SRPK2: variants seen among roughly 807,000 people sequenced by gnomAD.
SRPK2 encodes SRSF protein kinase 2, also known as SFRS protein kinase 2.
SRPK2 carries 21 observed loss-of-function variants against 90.8 expected under a neutral mutation model. The ratio of observed to expected loss-of-function variants is 0.23; its 90% CI spans 0.16 to 0.33. The LOEUF (loss-of-function observed/expected upper bound fraction) is 0.33. SRPK2 is among the 10% of genes least tolerant of loss of function. The pLI, the probability that SRPK2 is intolerant of heterozygous loss-of-function variation, is 1.00. For missense variants in SRPK2, 620 were observed against 869.0 expected (o/e 0.71, Z 3.60); for synonymous variants, 288 against 311.1 (o/e 0.93, Z 0.78).
At chr7:105,327,536 C>T (rs1434407540) in intron 2 of SRPK2, among the ~76,000 whole-genome samples, 1 of 152,184 alleles carries the variant, frequency 6.6e-6, no homozygotes, top group African/African-American at 2.4e-5. Flanking sequence ...AAGCTTTCCC[C>T]TAGCACCTGA....
chr7:105,233,472 C>T (rs775009162), intron 2 of SRPK2, among the ~76,000 whole-genome samples: 2 of 152,142 alleles, frequency 1.3e-5, no homozygotes, highest in Admixed American at 6.5e-5. Flanking sequence ...TAATGGAGAA[C>T]TTGCATATGA....
At chr7:105,226,690 T>C (rs1798751065) in intron 2 of SRPK2, among the ~76,000 whole-genome samples, 1 of 152,096 alleles carries the variant, frequency 6.6e-6, no homozygotes, top group Admixed American at 6.5e-5. Context: ...AAGAATATAC[T>C]TTCAGACTTA....
intron 2 of SRPK2, among the ~76,000 whole-genome samples, chr7:105,205,517 TCACACACACACA>T (rs543121144): frequency 0.23 from 21,944 of 94,934 alleles, 2,162 homozygotes; most frequent in Non-Finnish European, 0.3. Context: ...TCTCTCTCTC[TCACACACACACA>T]CACACACACA....
At chr7:105,337,235 C>A (rs956420183) in intron 2 of SRPK2, among the ~76,000 whole-genome samples, 2 of 152,060 alleles carry the variant, frequency 1.3e-5, no homozygotes, top group African/African-American at 4.8e-5. Flanking sequence ...CCTTAACCCC[C>A]AGTGTGATAT....
chr7:105,331,639 G>A (rs1319296366), intron 2 of SRPK2, among the ~76,000 whole-genome samples: 1 of 152,126 alleles, frequency 6.6e-6, no homozygotes, highest in Non-Finnish European at 1.5e-5. Context: ...CTTAGGCCCT[G>A]ATTTTTCAGA....
chr7:105,349,101 C>T (rs1252241793), intron 2 of SRPK2, among the ~76,000 whole-genome samples: 6 of 139,232 alleles, frequency 4.3e-5, no homozygotes, highest in East Asian at 2.3e-4. Context: ...GCCTAGTTTG[C>T]ATCACTGCAC....
At chr7:105,179,939 T>C (rs995218206) in intron 3 of SRPK2, among the ~76,000 whole-genome samples, 1 of 149,594 alleles carries the variant, frequency 6.7e-6, no homozygotes, top group African/African-American at 2.5e-5. Flanking sequence ...TCAGAGATGA[T>C]ACAAATGGAA....
chr7:105,176,699 ATGTATGTGTATGTGTGTG>A (rs1204691288), intron 3 of SRPK2, among the ~76,000 whole-genome samples: 1 of 47,052 alleles, frequency 2.1e-5, no homozygotes, highest in Non-Finnish European at 5.4e-5. Flanking sequence ...GTACATATAT[ATGTATGTGTATGTGTGTG>A]TGTGTGTGTA....
chr7:105,336,533 C>T (rs1815109107), intron 2 of SRPK2, among the ~76,000 whole-genome samples: 1 of 152,082 alleles, frequency 6.6e-6, no homozygotes, highest in African/African-American at 2.4e-5. Context: ...CAGTTGATTT[C>T]TTAGGACTGA....
intron 2 of SRPK2, chr7:105,301,791 A>G: frequency 6.3e-7 from 1 of 1,575,318 alleles, no homozygotes; most frequent in Non-Finnish European, 8.7e-7. Context: ...AGTAGAAGCT[A>G]ATCTTGGAAC....
chr7:105,167,257 C>T (rs554674551), intron 6 of SRPK2, 120 bp downstream of exon 6: 465 of 745,374 alleles, frequency 6.2e-4, no homozygotes, highest in Non-Finnish European at 8.5e-4. Context: ...TAATACTTGA[C>T]AATGTTCCTA....
chr7:105,359,729 G>A (rs1234151070), intron 2 of SRPK2, among the ~76,000 whole-genome samples: 8 of 152,058 alleles, frequency 5.3e-5, no homozygotes, highest in South Asian at 2.1e-4. Flanking sequence ...TCTGGAAACC[G>A]TTCATCCTTC....
intron 2 of SRPK2, among the ~76,000 whole-genome samples, chr7:105,237,791 C>A (rs936190412): frequency 2.0e-5 from 3 of 152,112 alleles, no homozygotes; most frequent in African/African-American, 4.8e-5. Context: ...TAAGGAAGCA[C>A]CATCCAGGGC....
chr7:105,294,011 A>G (rs1809442402), intron 2 of SRPK2, among the ~76,000 whole-genome samples: 1 of 152,178 alleles, frequency 6.6e-6, no homozygotes. Flanking sequence ...GTCAGGGGGC[A>G]CACCTAATCC....
chr7:105,117,796 G>A lies in SRPK2; in HGVS notation c.*42C>T. 6.3e-7 allele frequency: 1 copy of A among 1,598,778 alleles called. No homozygotes were observed. Among genetic ancestry groups the A allele is most frequent in the Non-Finnish European group, 8.6e-7 (1 of 1,168,676 alleles). On this transcript the variant is annotated 3_prime_UTR_variant, in exon 16 of 16. Coordinates refer to ENST00000393651, the MANE Select transcript of SRPK2 (RefSeq NM_182692.3). The stretch of plus-strand genomic sequence containing the variant: ...AGTCACCGTTTAGGTCCAATGTACT[G>A]GGAACATTTGCTAGCTCAGAATGCA...
chr7:105,258,478 A>C (rs1307716428), intron 2 of SRPK2, among the ~76,000 whole-genome samples: 1 of 152,112 alleles, frequency 6.6e-6, no homozygotes, highest in Non-Finnish European at 1.5e-5. Flanking sequence ...GTGACAAAAA[A>C]ACACCAAGGT....
intron 2 of SRPK2, among the ~76,000 whole-genome samples, chr7:105,344,901 C>T (rs117325850): frequency 4.6e-5 from 7 of 151,410 alleles, no homozygotes; most frequent in Non-Finnish European, 1.0e-4. Flanking sequence ...CTTTGGAGGC[C>T]GAAGTGGGTG....
At chr7:105,368,703 A>G (rs931673814) in intron 2 of SRPK2, among the ~76,000 whole-genome samples, 5 of 151,906 alleles carry the variant, frequency 3.3e-5, no homozygotes, top group African/African-American at 9.7e-5. Flanking sequence ...TGCCAACATG[A>G]TGAAACCCCG....
chr7:105,272,509 C>CT (rs968798901), intron 2 of SRPK2, among the ~76,000 whole-genome samples: 8 of 151,746 alleles, frequency 5.3e-5, no homozygotes, highest in African/African-American at 1.2e-4. Flanking sequence ...GTTTTTGTGG[C>CT]TTTTTTTTAA....
Sources: allele counts gnomAD v4.1 joint callset (sites outside exome capture counted in the v4.1 genomes callset), GRCh38; gene constraint gnomAD v4.1.1; transcripts MANE v1.5; gene names NCBI Gene and HGNC (gene_info 2026-07-23, HGNC 2026-07-21).